Variants in PIP5K1C observed in about 807,000 individuals in gnomAD.
PIP5K1C encodes phosphatidylinositol-4-phosphate 5-kinase type 1 gamma.
PIP5K1C carries 45 observed loss-of-function variants against 80.1 expected under a neutral mutation model. The observed-to-expected ratio is 0.56, with a 90% CI of 0.44 to 0.72. The LOEUF is 0.72. Ranked by LOEUF, PIP5K1C falls within the 30% of genes least tolerant of loss-of-function variation. The pLI is 0.00. For missense variants in PIP5K1C, 753 were observed against 954.6 expected (o/e 0.79, Z 2.78); for synonymous variants, 498 against 420.1 (o/e 1.19, Z -2.27).
In PIP5K1C at chr19:3,630,438, CATTTT is replaced by C. The variant is rs2033439094; in HGVS notation, c.*2724_*2728del. On this transcript the variant is annotated 3_prime_UTR_variant, in exon 18 of 18. Transcript: ENST00000335312. ...TTAAGACACACGAGGTTTGCAGTTT[CATTTT>C]GTTTCAGAATCAGTTTGGCCATAAA... 6.6e-6 allele frequency: 1 copy of C among 152,402 alleles called. No individual in the cohort carries two copies. The allele number at this position is 152,402 out of a possible 1,614,324, so 9.4% of individuals were successfully genotyped here.
At chr19:3,655,600 GAC>G (rs1225821414) in intron 6 of PIP5K1C, among the ~76,000 whole-genome samples, 1 of 152,232 alleles carries the variant, frequency 6.6e-6, no homozygotes, top group African/African-American at 2.4e-5. Flanking sequence ...CAGTCCTGGA[GAC>G]ACAGCACACT....
chr19:3,634,821 G>C (rs896018946), intron 16 of PIP5K1C, among the ~76,000 whole-genome samples: 10 of 152,226 alleles, frequency 6.6e-5, no homozygotes, highest in African/African-American at 2.2e-4. Context: ...GCTTCCACAA[G>C]ACCCCTGTTC....
chr19:3,652,171 G>A (rs2145442231), intron 7 of PIP5K1C, 140 bp from the exon 8 acceptor site: 1 of 707,628 alleles, frequency 1.4e-6, no homozygotes, highest in East Asian at 2.8e-5. Context: ...CCAGGCAGGA[G>A]TGGGGGTTCT....
At chr19:3,641,910 T>C (rs113915105) in intron 14 of PIP5K1C, 101 bp from the exon 15 acceptor site, 16 of 910,002 alleles carry the variant, frequency 1.8e-5, no homozygotes, top group Admixed American at 5.9e-5. Flanking sequence ...CAGAGGGGAG[T>C]TGGGAGCCTC....
In PIP5K1C at chr19:3,643,159, G is replaced by A. The variant is rs566882145; in HGVS notation, c.1649+84C>T. On this transcript the variant is annotated intron_variant, in intron 13 of 17. Transcript: ENST00000335312. ...CGATGCTCCACCCACATGCACAGCG[G>A]ATGCCCCGCCCACATGCAGTGAATG... is the stretch of plus-strand genomic sequence containing the variant. The A allele has an allele frequency of 1.3e-4, 215 of 1,593,562 alleles. 2 individuals are homozygous for A. In the Middle Eastern group the frequency reaches 4.2e-3, roughly 31 times the overall value.
Position 3,637,956 on chromosome 19 carries a change from T to A in PIP5K1C, c.1920+928A>T. On this transcript the variant is annotated intron_variant, in intron 16 of 17. Coordinates refer to ENST00000335312, the MANE Select transcript of PIP5K1C (RefSeq NM_012398.3). The surrounding 1 kb of genome is among the most constrained non-coding windows in gnomAD (Gnocchi z 7.0). Reference sequence around the variant, plus strand: ...GGTAGGGGCACAGGCACGCGGCCCGTCCCTCCCTTCTCCAGGGCCAGGTGG... The same window carrying A: ...GGTAGGGGCACAGGCACGCGGCCCGACCCTCCCTTCTCCAGGGCCAGGTGG... 1.3e-6 allele frequency: 2 copies of A among 1,533,916 alleles called. No individual in the cohort carries two copies. The highest frequency in any genetic ancestry group is 1.7e-6 in the Non-Finnish European group (2 of 1,146,190).
intron 1 of PIP5K1C, chr19:3,673,636 C>T (rs1418178119): frequency 2.0e-5 from 3 of 152,258 alleles, no homozygotes; most frequent in Non-Finnish European, 4.4e-5. Flanking sequence ...GGCCCAGGCA[C>T]GGGGTCCTGC....
chr19:3,638,129 C>CT (rs1392510085), intron 16 of PIP5K1C: 9 of 1,275,154 alleles, frequency 7.1e-6, no homozygotes, highest in Non-Finnish European at 9.4e-6. Context: ...AACAAACCAT[C>CT]TGGGAAGTGG....
chr19:3,633,605 C>T (rs892895235), intron 16 of PIP5K1C, 85 bp from the exon 17 acceptor site: 15 of 926,400 alleles, frequency 1.6e-5, no homozygotes, highest in Non-Finnish European at 2.2e-5. Flanking sequence ...AAGGAAGAGA[C>T]AGGAGAACAT....
rs765509885 is a variant in PIP5K1C at position 3,648,369 on chromosome 19, G to A, written c.1211+256C>T. Among the ~76,000 whole-genome samples, 3 of 152,214 alleles carry A rather than the reference G, an allele frequency of 2.0e-5. No individual in the cohort carries two copies. The highest frequency in any genetic ancestry group is 2.1e-4 in the South Asian group (1 of 4,834). ...CAAACACCTTCCCTTTAGGGCTCAAGAAGGGGCAGCCAAGCAAGAGCTTTC... is the reference window on the plus strand; with the variant it reads ...CAAACACCTTCCCTTTAGGGCTCAAAAAGGGGCAGCCAAGCAAGAGCTTTC... On this transcript the variant is annotated intron_variant, in intron 9 of 17. Transcript: ENST00000335312. This position sits in a 1 kb window ranked among gnomAD's most constrained non-coding sequence, Gnocchi z 4.3.
At chr19:3,634,286 G>A (rs903623558) in intron 16 of PIP5K1C, among the ~76,000 whole-genome samples, 1 of 152,060 alleles carries the variant, frequency 6.6e-6, no homozygotes, top group African/African-American at 2.4e-5. Flanking sequence ...GCCTCCTGAG[G>A]AGCCCCCACC....
chr19:3,644,695 G>A (rs376118524), intron 11 of PIP5K1C, among the ~76,000 whole-genome samples: 18 of 152,340 alleles, frequency 1.2e-4, no homozygotes, highest in African/African-American at 3.1e-4. Flanking sequence ...GGGCCTGAGC[G>A]CAGATCCAGG....
chr19:3,670,534 C>G lies in PIP5K1C; in HGVS notation c.95-3181G>C, dbSNP rs546656417. On this transcript the variant is annotated intron_variant, in intron 1 of 17. Coordinates refer to ENST00000335312, the MANE Select transcript of PIP5K1C (RefSeq NM_012398.3). Reference sequence around the variant, plus strand: ...GGCAGAGCCCTGCCCACTCCTGGACCTCAGGCTCCTGGCCTCCAGAGCTGA... The same window carrying G: ...GGCAGAGCCCTGCCCACTCCTGGACGTCAGGCTCCTGGCCTCCAGAGCTGA... 3.0e-4 allele frequency among the ~76,000 whole-genome samples: 45 copies of G among 152,352 alleles called. 1 individual carries two copies. Among genetic ancestry groups the G allele is most frequent in the African/African-American group, 1.1e-3 (44 of 41,588 alleles).
intron 14 of PIP5K1C, among the ~76,000 whole-genome samples, chr19:3,642,587 T>A (rs2034009075): frequency 6.6e-6 from 1 of 152,052 alleles, no homozygotes; most frequent in South Asian, 2.1e-4. Context: ...TGGTTGCTCC[T>A]GGGGAGGGGA....
chr19:3,678,389 TGGATGGAGGGATAGAGATGGAGTGATGAA>T (rs2035465112), intron 1 of PIP5K1C, among the ~76,000 whole-genome samples: 1 of 89,614 alleles, frequency 1.1e-5, no homozygotes, highest in African/African-American at 4.5e-5. Context: ...GGAGAATAGA[TGGATGGAGGGATAGAGATGGAGTGATGAA>T]GGATGGAGGG....
chr19:3,639,215 TG>T (rs2033851509), intron 15 of PIP5K1C, among the ~76,000 whole-genome samples, 199 bp from the exon 16 acceptor site: 1 of 152,212 alleles, frequency 6.6e-6, no homozygotes. Flanking sequence ...CCCCTCATGC[TG>T]GCCCCAGGAG....
At chr19:3,646,849 C>G (rs745728142) in intron 10 of PIP5K1C, among the ~76,000 whole-genome samples, 2 of 152,022 alleles carry the variant, frequency 1.3e-5, no homozygotes, top group Non-Finnish European at 2.9e-5. Flanking sequence ...AGGCGGTACT[C>G]TGCGTTTGTG....
chr19:3,642,525 T>A (rs2034006432), intron 14 of PIP5K1C, among the ~76,000 whole-genome samples: 1 of 152,220 alleles, frequency 6.6e-6, no homozygotes, highest in Admixed American at 6.5e-5. Flanking sequence ...CTGGTGCACG[T>A]CTGCTGTGTT....
At chr19:3,646,622 GCTC>G (rs2034225368) in intron 10 of PIP5K1C, among the ~76,000 whole-genome samples, 1 of 152,218 alleles carries the variant, frequency 6.6e-6, no homozygotes, top group Admixed American at 6.5e-5. Flanking sequence ...CCGAGACAGC[GCTC>G]CTATCTGCCC....
Sources: allele counts gnomAD v4.1 joint callset (sites outside exome capture counted in the v4.1 genomes callset), GRCh38; gene constraint gnomAD v4.1.1; non-coding constraint Gnocchi (gnomAD v3.1); transcripts MANE v1.5; gene names NCBI Gene and HGNC (gene_info 2026-07-23, HGNC 2026-07-21).